NPIPB11: variants seen among roughly 807,000 people sequenced by gnomAD.
The protein encoded by NPIPB11 is nuclear pore complex-interacting protein family member B11.
A neutral mutation model predicts 32.8 loss-of-function variants in NPIPB11; 17 were observed. The observed-to-expected ratio is 0.52, with a 90% CI of 0.35 to 0.78. The LOEUF (loss-of-function observed/expected upper bound fraction) is 0.78, where lower values mean the gene tolerates loss of function less well. NPIPB11 is among the 30% of genes least tolerant of loss of function. The probability of loss-of-function intolerance (pLI) is 0.01; values close to 1 mark genes in which losing one functional copy is unlikely to be tolerated. For missense variants in NPIPB11, 537 were observed against 1,000.4 expected (o/e 0.54, Z 6.25); for synonymous variants, 209 against 398.4 (o/e 0.52, Z 5.66).
At chr16:29,397,543 C>T (rs535548400) in intron 2 of NPIPB11, 18 of 1,519,930 alleles carry the variant, frequency 1.2e-5, no homozygotes, top group Non-Finnish European at 1.6e-5. Context: ...AAGGAAGAAA[C>T]CCCGAGGGTC....
upstream of NPIPB11, among the ~76,000 whole-genome samples, chr16:29,405,187 G>A (rs961323023): frequency 6.6e-5 from 10 of 152,004 alleles, no homozygotes; most frequent in East Asian, 1.9e-4. Context: ...CCATATGTCC[G>A]CATGTTTTAG....
intron 3 of NPIPB11, among the ~76,000 whole-genome samples, chr16:29,392,336 A>G (rs1963743309): frequency 6.6e-6 from 1 of 151,854 alleles, no homozygotes; most frequent in African/African-American, 2.4e-5. Context: ...GACAAGGACA[A>G]AGATGAGAGG....
chr16:29,395,993 A>T (rs1406794350), intron 2 of NPIPB11, among the ~76,000 whole-genome samples: 1 of 150,476 alleles, frequency 6.6e-6, no homozygotes, highest in South Asian at 2.1e-4. Flanking sequence ...AAAAAAAAAA[A>T]TTACCAAGGT....
rs1262374948 is a variant in NPIPB11, at chr16:29,402,720, C to CTGTGTGTGTGTG, written c.120+962_120+963insCACACACACACA. On this transcript the variant is annotated intron_variant, in intron 2 of 7. Coordinates refer to ENST00000524087, the Ensembl canonical transcript of NPIPB11. ...TCTGTCTCTCTCTCTCTCTCTCTCT[C>CTGTGTGTGTGTG]TCTCTGTGTGTGTGTGTGTGTGTGT... Among the ~76,000 whole-genome samples, 11 of 117,120 alleles carry CTGTGTGTGTGTG rather than the reference C, an allele frequency of 9.4e-5. No homozygotes were observed. In the East Asian group the frequency reaches 1.3e-3, roughly 14 times the overall value. The allele number at this position is 117,120 out of a possible 152,430, so 76.8% of individuals were successfully genotyped here. A position where few individuals can be genotyped will look rare whatever the true frequency, so the allele number is the denominator to read the frequency against.
At chr16:29,392,362 G>A (rs1196339727) in intron 3 of NPIPB11, among the ~76,000 whole-genome samples, 3 of 151,520 alleles carry the variant, frequency 2.0e-5, no homozygotes, top group Admixed American at 6.6e-5. Context: ...AGTTGTCCAA[G>A]TCCAACAGCT....
chr16:29,389,873 C>A lies in NPIPB11; in HGVS notation c.545+68G>T, dbSNP rs527404375. 43 of 1,576,124 alleles carry A rather than the reference C, an allele frequency of 2.7e-5. 1 individual carries two copies. The East Asian group carries it at 7.4e-4, about 27-fold the overall frequency. ...ATATTGTAGAAAATATTCTCAAGGACTTTACAGTTGTCTACTTTGATTGGC... is the reference window on the plus strand; with the variant it reads ...ATATTGTAGAAAATATTCTCAAGGAATTTACAGTTGTCTACTTTGATTGGC... On this transcript the variant is annotated intron_variant, in intron 5 of 7. Transcript: ENST00000524087.
At chr16:29,399,811 G>T (rs1963945852) in intron 2 of NPIPB11, among the ~76,000 whole-genome samples, 1 of 151,984 alleles carries the variant, frequency 6.6e-6, no homozygotes, top group African/African-American at 2.4e-5. Flanking sequence ...GGGCATGGTG[G>T]CTCACGCCTG....
rs1443091836 is a variant in NPIPB11 at position 29,389,931 on chromosome 16, C to T, written c.545+10G>A. 6.6e-5 allele frequency: 105 copies of T among 1,589,622 alleles called. No homozygotes were observed. The highest frequency in any genetic ancestry group is 8.6e-5 in the Non-Finnish European group (101 of 1,174,266). ...TCCTACAACAGTATTTGTGTCAAGG[C>T]ACATCTTACTGTTTTCTGGCGGTCT... is the stretch of plus-strand genomic sequence containing the variant. On this transcript the variant is annotated intron_variant, in intron 5 of 7. Transcript: ENST00000524087.
intron 2 of NPIPB11, among the ~76,000 whole-genome samples, chr16:29,394,319 G>A (rs1424722419): frequency 6.6e-6 from 1 of 151,732 alleles, no homozygotes. Flanking sequence ...ATAAAGCAGG[G>A]ATATCCAATC....
At chr16:29,383,087 G>A (rs183850634) in exon 8 of NPIPB11, 2 of 1,593,690 alleles carry the variant, frequency 1.3e-6, no homozygotes, top group Middle Eastern at 2.3e-4. Flanking sequence ...TCTGCTGAGG[G>A]TGGAGCTGAG....
rs564314041 is a variant in NPIPB11, at chr16:29,399,874, C to G, written c.120+3809G>C. On this transcript the variant is annotated intron_variant, in intron 2 of 7. Coordinates refer to ENST00000524087, the Ensembl canonical transcript of NPIPB11. ...CAGGCGCATCACGAGGTTAGGAGTT[C>G]GAGACCAGCCTGACCAACATGGTGA... Among the ~76,000 whole-genome samples, 296 of 151,888 alleles carry G rather than the reference C, an allele frequency of 1.9e-3. 1 individual carries two copies. The highest frequency in any genetic ancestry group is 6.5e-3 in the African/African-American group (269 of 41,342).
exon 8 of NPIPB11, chr16:29,383,108 G>A: frequency 2.5e-6 from 4 of 1,596,366 alleles, no homozygotes; most frequent in Non-Finnish European, 3.4e-6. Flanking sequence ...GGTGGAAGGG[G>A]AGTGAGCTGA....
At chr16:29,383,338 G>A in exon 8 of NPIPB11, 1 of 1,466,442 alleles carries the variant, frequency 6.8e-7, no homozygotes. Flanking sequence ...TCTGCTGAGG[G>A]TGGAGCTGAG....
chr16:29,402,807 T>C (rs1397394627), intron 2 of NPIPB11, among the ~76,000 whole-genome samples: 3 of 144,750 alleles, frequency 2.1e-5, no homozygotes, highest in Non-Finnish European at 4.5e-5. Flanking sequence ...ATTTTTGAGA[T>C]TATCATTTTA....
chr16:29,402,602 C>A (rs1248633587), intron 2 of NPIPB11, among the ~76,000 whole-genome samples: 3 of 125,206 alleles, frequency 2.4e-5, no homozygotes, highest in African/African-American at 3.7e-5. Flanking sequence ...TACTCAGAGG[C>A]TGAGGCAGAG....
At chr16:29,389,133 T>G (rs1295745002) in intron 5 of NPIPB11, among the ~76,000 whole-genome samples, 1 of 147,676 alleles carries the variant, frequency 6.8e-6, no homozygotes, top group Non-Finnish European at 1.5e-5. Flanking sequence ...AGGTGGAGGT[T>G]GCAGTGAGCC....
chr16:29,406,244 T>C (rs1446421748), upstream of NPIPB11, among the ~76,000 whole-genome samples: 2 of 152,268 alleles, frequency 1.3e-5, no homozygotes, highest in African/African-American at 4.8e-5. Flanking sequence ...TTGTCAAATG[T>C]GGCGATACTG....
chr16:29,392,515 G>C (rs113986428), intron 3 of NPIPB11, among the ~76,000 whole-genome samples: 18,649 of 149,004 alleles, frequency 0.13, 1,505 homozygotes, highest in Middle Eastern at 0.19. Context: ...TTTGAGACTA[G>C]CCTGGCCAAC....
At chr16:29,389,691 A>G (rs1321724519) in intron 5 of NPIPB11, among the ~76,000 whole-genome samples, 1 of 137,514 alleles carries the variant, frequency 7.3e-6, no homozygotes, top group African/African-American at 2.7e-5. Flanking sequence ...AAAAAAAAAA[A>G]AAAAAAAGAG....
Sources: allele counts gnomAD v4.1 joint callset (sites outside exome capture counted in the v4.1 genomes callset), GRCh38; gene constraint gnomAD v4.1.1; transcripts MANE v1.5; gene names NCBI Gene and HGNC (gene_info 2026-07-23, HGNC 2026-07-21).